The following PTPRA variants were observed in gnomAD, a reference collection of about 807,000 sequenced individuals.
The protein encoded by PTPRA is receptor-type tyrosine-protein phosphatase alpha.
Under a neutral mutation model 104.8 loss-of-function variants are expected in PTPRA, and 25 were observed. That is an observed-to-expected ratio of 0.24 (90% CI 0.17 to 0.33). The LOEUF is 0.33. Ranked by LOEUF, PTPRA falls within the 10% of genes least tolerant of loss-of-function variation. The probability of loss-of-function intolerance (pLI) is 1.00; values close to 1 mark genes in which losing one functional copy is unlikely to be tolerated. For synonymous variants in PTPRA, 323 were observed against 368.9 expected, an observed-to-expected ratio of 0.88 and a Z score of 1.43; for missense variants, 765 against 1,015.3, an observed-to-expected ratio of 0.75 and a Z score of 3.35.
upstream of PTPRA, among the ~76,000 whole-genome samples, chr20:2,869,321 G>A (rs1212359823): frequency 1.4e-5 from 2 of 147,950 alleles, no homozygotes; most frequent in South Asian, 2.3e-4. Flanking sequence ...TTCATTTTTG[G>A]TTTGCAATTT....
the PTPRA span, among the ~76,000 whole-genome samples, chr20:2,867,378 G>A: frequency 6.6e-6 from 1 of 152,202 alleles, no homozygotes; most frequent in Admixed American, 6.5e-5. Flanking sequence ...TAGAGAAGGA[G>A]GATGGAAGAT....
intron 20 of PTPRA, among the ~76,000 whole-genome samples, chr20:3,033,316 G>A (rs188583815): frequency 1.6e-4 from 24 of 151,870 alleles, no homozygotes; most frequent in Non-Finnish European, 3.1e-4. Context: ...TCTAAAATCC[G>A]GGAGTTACCT....
At chr20:3,021,265 GCA>G (rs780707209) in intron 13 of PTPRA, 42 bp from the exon 14 acceptor site, 369 of 1,611,880 alleles carry the variant, frequency 2.3e-4, no homozygotes, top group Non-Finnish European at 2.4e-4. Context: ...TCTGCCATGG[GCA>G]GGAGGTCTAA....
intron 2 of PTPRA, among the ~76,000 whole-genome samples, chr20:2,947,579 A>G (rs570991954): frequency 4.6e-5 from 7 of 152,140 alleles, no homozygotes; most frequent in African/African-American, 1.4e-4. Context: ...GGCTTTCATC[A>G]CTGCCAGCGT....
At chr20:2,962,572 G>A (rs1210433984) in intron 3 of PTPRA, among the ~76,000 whole-genome samples, 2 of 152,164 alleles carry the variant, frequency 1.3e-5, no homozygotes, top group Non-Finnish European at 2.9e-5. Context: ...TGACCCTTGT[G>A]AAGGAAATTG....
Position 2,886,654 on chromosome 20 carries a change from G to A in PTPRA, c.-129+12894G>A, listed in dbSNP as rs980615236. On this transcript the variant is annotated intron_variant, in intron 1 of 23. Coordinates refer to ENST00000399903, the MANE Select transcript of PTPRA (RefSeq NM_001385305.1). ...GAGGTTGGGAGTTCGAGACCAGCCT[G>A]ACCAACATGGAGAAACCCCCGTCTC... is the stretch of plus-strand genomic sequence containing the variant. Among the ~76,000 whole-genome samples, 7 of 149,308 alleles carry A rather than the reference G, an allele frequency of 4.7e-5. No individual in the cohort carries two copies. The East Asian group carries it at 1.4e-3, about 29-fold the overall frequency.
At chr20:3,021,561 G>A (rs1251075017) in intron 14 of PTPRA, 133 bp downstream of exon 14, 26 of 1,278,988 alleles carry the variant, frequency 2.0e-5, no homozygotes, top group Admixed American at 2.4e-5. Flanking sequence ...CCAGATATCC[G>A]GGCTCAGGGG....
At chr20:2,928,856 G>T (rs554433387) in intron 2 of PTPRA, among the ~76,000 whole-genome samples, 7 of 147,854 alleles carry the variant, frequency 4.7e-5, no homozygotes, top group East Asian at 2.0e-4. Flanking sequence ...TTGAGACAGG[G>T]TCTCACCCTG....
intron 11 of PTPRA, among the ~76,000 whole-genome samples, chr20:3,012,432 G>T (rs1273364515): frequency 6.6e-6 from 1 of 152,234 alleles, no homozygotes; most frequent in Non-Finnish European, 1.5e-5. Context: ...ATATATCCAT[G>T]TAGATGTATC....
At chr20:2,979,437 G>A (rs918465000) in intron 6 of PTPRA, among the ~76,000 whole-genome samples, 3 of 152,046 alleles carry the variant, frequency 2.0e-5, no homozygotes, top group Admixed American at 6.6e-5. Flanking sequence ...ATCTCTTATT[G>A]CTCTGTGTTC....
intron 1 of PTPRA, among the ~76,000 whole-genome samples, chr20:2,883,983 A>G (rs2090223542): frequency 6.6e-6 from 1 of 152,208 alleles, no homozygotes; most frequent in South Asian, 2.1e-4. Flanking sequence ...TATAAATGAA[A>G]TCATACAATA....
chr20:2,882,975 CTTTTTTT>C (rs752857166), intron 1 of PTPRA, among the ~76,000 whole-genome samples: 112 of 113,650 alleles, frequency 9.9e-4, no homozygotes, highest in African/African-American at 3.4e-3. Context: ...AAATCCAACA[CTTTTTTT>C]TTTTTTTTTT....
At chr20:2,931,718 TTGTGTGTGTGTGTG>T (rs11469421) in intron 2 of PTPRA, among the ~76,000 whole-genome samples, 4 of 149,716 alleles carry the variant, frequency 2.7e-5, no homozygotes, top group African/African-American at 9.8e-5. Flanking sequence ...GGGTCTTGGC[TTGTGTGTGTGTGTG>T]TGTGTGTGTG....
chr20:2,883,226 A>T (rs1337152323), intron 1 of PTPRA, among the ~76,000 whole-genome samples: 7 of 152,300 alleles, frequency 4.6e-5, no homozygotes, highest in African/African-American at 1.7e-4. Flanking sequence ...TTCTGGTCCC[A>T]AGCATTTCAG....
intron 13 of PTPRA, among the ~76,000 whole-genome samples, chr20:3,020,040 G>T (rs1181061146): frequency 6.6e-6 from 1 of 152,358 alleles, no homozygotes; most frequent in South Asian, 2.1e-4. Context: ...TCCAGCTTCG[G>T]CTCGGCATCG....
chr20:2,995,914 C>G (rs189345804), intron 9 of PTPRA, among the ~76,000 whole-genome samples: 100 of 152,308 alleles, frequency 6.6e-4, no homozygotes, highest in African/African-American at 2.3e-3. Context: ...CCAGCTTGAA[C>G]ACATCACAGG....
chr20:2,881,705 A>G (rs2090059768), intron 1 of PTPRA, among the ~76,000 whole-genome samples: 1 of 152,154 alleles, frequency 6.6e-6, no homozygotes, highest in Non-Finnish European at 1.5e-5. Flanking sequence ...TTGTTCTTAT[A>G]AAAGACAAAA....
intron 2 of PTPRA, among the ~76,000 whole-genome samples, chr20:2,923,601 C>A (rs746159788): frequency 2.0e-5 from 3 of 151,786 alleles, no homozygotes; most frequent in South Asian, 4.2e-4. Context: ...GAGTTCAAGA[C>A]CAGCCTGGCC....
rs183083086 is a variant in PTPRA at position 2,882,659 on chromosome 20, C to G, written c.-129+8899C>G. 1.2e-3 allele frequency among the ~76,000 whole-genome samples: 176 copies of G among 152,158 alleles called. 1 individual carries two copies. Among genetic ancestry groups the G allele is most frequent in the Non-Finnish European group, 2.3e-3 (159 of 68,016 alleles). On this transcript the variant is annotated intron_variant, in intron 1 of 23. Transcript: ENST00000399903. ...TAAGGACCACTTCTTTTGTGAGCTA[C>G]TGGAAGAAAGTTGTACTGGAGAAGA...
Sources: gnomAD v4.1 joint callset for allele counts (sites outside exome capture counted in the v4.1 genomes callset) on GRCh38, gnomAD v4.1.1 for gene constraint, MANE v1.5 for transcripts, NCBI Gene and HGNC (gene_info 2026-07-23, HGNC 2026-07-21) for gene names.